SLC39A3: variants seen among roughly 807,000 people sequenced by gnomAD.
SLC39A3 encodes the protein solute carrier family 39 member 3, also known as zinc transporter ZIP3.
A neutral mutation model predicts 5.1 loss-of-function variants in SLC39A3; 3 were observed. The observed-to-expected ratio is 0.59, with a 90% CI of 0.27 to 1.54. SLC39A3 has a LOEUF of 1.54. SLC39A3 is among the 40% of genes most tolerant of loss of function. The probability of loss-of-function intolerance (pLI) is 0.12; values close to 1 mark genes in which losing one functional copy is unlikely to be tolerated. For synonymous variants in SLC39A3, 250 were observed against 218.8 expected (o/e 1.14, Z -1.26); for missense variants, 412 against 436.4 (o/e 0.94, Z 0.50).
At position 2,737,189 on chromosome 19, in the gene SLC39A3, G is replaced by A. The variant is rs371495611; in HGVS notation, c.69C>T (p.Ser23=). The change falls in exon 2 of 3, where the codon TCC becomes TCT. Residue 23 remains serine, a synonymous_variant. Transcript: ENST00000269740. ...VGVFFFMLLG[S]LLPVKIIETD... is the part of the protein sequence containing the mutation. ...TCTCGATGATCTTCACGGGGAGCAGGGAGCCGAGCAGCATGAAGAAGAACA... is the reference window on the plus strand; with the variant it reads ...TCTCGATGATCTTCACGGGGAGCAGAGAGCCGAGCAGCATGAAGAAGAACA... 5.6e-6 allele frequency: 9 copies of A among 1,614,014 alleles called. No homozygotes were observed. The highest frequency in any genetic ancestry group is 6.8e-6 in the Non-Finnish European group (8 of 1,180,040).
In SLC39A3 at chr19:2,737,199, A is replaced by G. The variant is rs758118599; in HGVS notation, c.59T>C (p.Leu20Pro). 1.9e-6 allele frequency: 3 copies of G among 1,614,188 alleles called. No homozygotes were observed. The highest frequency in any genetic ancestry group is 4.5e-5 in the East Asian group (2 of 44,882). ...LCMVGVFFFM[L>P]LGSLLPVKII... ...CTTCACGGGGAGCAGGGAGCCGAGC[A>G]GCATGAAGAAGAACACGCCCACCAT... The change falls in exon 2 of 3, where the codon CTG becomes CCG. Residue 20 changes from leucine to proline, a missense_variant. Coordinates refer to ENST00000269740, the MANE Select transcript of SLC39A3 (RefSeq NM_144564.5).
At chr19:2,737,422 C>CTTTT in intron 1 of SLC39A3, 43 bp from the exon 2 acceptor site, 4 of 1,066,536 alleles carry the variant, frequency 3.8e-6, no homozygotes, top group Non-Finnish European at 5.1e-6. Context: ...TTTCTTTTTT[C>CTTTT]TTTTTTTTTT....
rs368491645 is a variant in SLC39A3 at position 2,733,967 on chromosome 19, G to A, written c.211-482C>T. On this transcript the variant is annotated intron_variant, in intron 2 of 2. Coordinates refer to ENST00000269740, the MANE Select transcript of SLC39A3 (RefSeq NM_144564.5). This position sits in a 1 kb window ranked among gnomAD's most constrained non-coding sequence, Gnocchi z 6.1. ...AAATAAACACATAAAGAGCTGCACT[G>A]GCCTTGCGTGTTCTGCCGCGGGGCC... Among the ~76,000 whole-genome samples, 643 of 152,314 alleles carry A rather than the reference G, an allele frequency of 4.2e-3. 4 individuals carry two copies. Among genetic ancestry groups the A allele is most frequent in the African/African-American group, 0.014 (600 of 41,562 alleles).
Position 2,737,118 on chromosome 19 carries a change from CAG to C in SLC39A3, c.138_139del (p.Cys47GlnfsTer87). 1.9e-6 allele frequency: 3 copies of C among 1,614,184 alleles called. No homozygotes were observed. Among genetic ancestry groups the C allele is most frequent in the South Asian group, 1.1e-5 (1 of 91,068 alleles). On this transcript the variant is annotated frameshift_variant, in exon 2 of 3. Coordinates refer to ENST00000269740, the MANE Select transcript of SLC39A3 (RefSeq NM_144564.5). LOFTEE classifies it high-confidence loss of function. The stretch of plus-strand genomic sequence containing the variant: ...AAACACCCCTCCTCCAAAGGTGTTG[CAG>C]AGAGAGAGGATCTTTTTCGAGCGAT...
rs759265741 is a variant in SLC39A3, at chr19:2,733,022, G to A, written c.674C>T (p.Pro225Leu). Reference protein sequence around the residue: ...LGISMARSAMPLRDAAKLAVT... With the variant: ...LGISMARSAMLLRDAAKLAVT... ...CGCCAGCTTGGCCGCGTCCCGCAGG[G>A]GCATGGCACTCCGGGCCATGCTGAT... is the stretch of plus-strand genomic sequence containing the variant. The change falls in exon 3 of 3, where the codon CCC becomes CTC. Residue 225 changes from proline to leucine, a missense_variant. By Grantham distance (98) the Pro-to-Leu change is moderately conservative. Coordinates refer to ENST00000269740, the MANE Select transcript of SLC39A3 (RefSeq NM_144564.5). The surrounding 1 kb of genome is among the most constrained non-coding windows in gnomAD (Gnocchi z 6.1). 3 of 1,605,320 alleles carry A rather than the reference G, an allele frequency of 1.9e-6. No individual in the cohort carries two copies. Among genetic ancestry groups the A allele is most frequent in the East Asian group, 4.5e-5 (2 of 44,642 alleles).
At position 2,732,743 on chromosome 19, in the gene SLC39A3, G is replaced by A. The variant is rs9160; in HGVS notation, c.*8C>T. The A allele has an allele frequency of 0.094, 144,234 of 1,537,422 alleles. 8,909 individuals are homozygous for A. The highest frequency in any genetic ancestry group is 0.33 in the East Asian group (14,368 of 43,074). On this transcript the variant is annotated 3_prime_UTR_variant, in exon 3 of 3. Coordinates refer to ENST00000269740, the MANE Select transcript of SLC39A3 (RefSeq NM_144564.5). ...GGGCTCCGGCGGCAGGGACAATGGC[G>A]AGGCCGCTCACCACTTGAGGAAGAC... is the stretch of plus-strand genomic sequence containing the variant.
chr19:2,737,269 G>A lies in SLC39A3; in HGVS notation c.-12C>T, dbSNP rs1471143261. ...AGCAATTTCACCATGGTGGCGGCTT[G>A]GGCTGCTCTGGTCACTGCAGGGCCA... is the stretch of plus-strand genomic sequence containing the variant. On this transcript the variant is annotated 5_prime_UTR_variant, in exon 2 of 3. Transcript: ENST00000269740. 6.2e-7 allele frequency: 1 copy of A among 1,600,566 alleles called. No homozygotes were observed.
chr19:2,736,461 G>C, intron 2 of SLC39A3: 1 of 178,818 alleles, frequency 5.6e-6, no homozygotes, highest in Admixed American at 5.7e-5. Context: ...CCAGCCAACA[G>C]ACACTGACAA....
rs1307844561 is a variant in SLC39A3 at position 2,735,013 on chromosome 19, G to C, written c.211-1528C>G. ...TCGGGAGTAGGGACCTCATCCGCCT[G>C]ACCAGCCCGAGGACAGGAGAACGGC... On this transcript the variant is annotated intron_variant, in intron 2 of 2. Transcript: ENST00000269740. This position sits in a 1 kb window ranked among gnomAD's most constrained non-coding sequence, Gnocchi z 5.7. 3.0e-6 allele frequency: 3 copies of C among 985,312 alleles called. No homozygotes were observed. Among genetic ancestry groups the C allele is most frequent in the Non-Finnish European group, 3.6e-6 (3 of 829,960 alleles). 61.0% of individuals were successfully genotyped at this position (985,312 alleles called of 1,614,324 possible).
In SLC39A3 at chr19:2,732,883, G is replaced by A. The variant is rs1244691954; in HGVS notation, c.813C>T (p.Gly271=). 2 of 1,611,924 alleles carry A rather than the reference G, an allele frequency of 1.2e-6. No individual in the cohort carries two copies. The highest frequency in any genetic ancestry group is 1.7e-6 in the Non-Finnish European group (2 of 1,179,408). ...CCAGGAAGGTGATGAAGAGGAAGGT[G>A]CCGCCCGCCAGGCCCTGCAGCAGCA... is the stretch of plus-strand genomic sequence containing the variant. ...ASVLLQGLAG[G]TFLFITFLEI... Residue 271 remains glycine (G), a synonymous_variant, in exon 3 of 3, where the codon GGC becomes GGT. Transcript: ENST00000269740.
At chr19:2,739,170 C>T (rs1431749672) in intron 1 of SLC39A3, among the ~76,000 whole-genome samples, 4 of 150,950 alleles carry the variant, frequency 2.6e-5, no homozygotes, top group South Asian at 2.1e-4. Flanking sequence ...TAAACCATAT[C>T]CCTGTACCCG....
In SLC39A3 at chr19:2,733,117, C is replaced by A; in HGVS notation, c.579G>T (p.Glu193Asp). The A allele has an allele frequency of 6.2e-7, 1 of 1,610,748 alleles. No homozygotes were observed. The highest frequency in any genetic ancestry group is 1.3e-5 in the African/African-American group (1 of 74,876). ...FEGLALGLQE[E>D]GEKVVSLFVG... ...CGAACAGGCTCACCACTTTCTCCCC[C>A]TCCTCCTGCAGGCCCAGGGCCAGGC... Residue 193 changes from glutamate to aspartate, a missense_variant, in exon 3 of 3, where the codon GAG becomes GAT. By Grantham distance (45) the Glu-to-Asp change is conservative (BLOSUM62 2). Transcript: ENST00000269740. This position sits in a 1 kb window ranked among gnomAD's most constrained non-coding sequence, Gnocchi z 6.1.
rs1476324668 is a variant in SLC39A3 at position 2,735,423 on chromosome 19, C to G, written c.210+1625G>C. The G allele has an allele frequency of 6.2e-6, 1 of 161,026 alleles. No homozygotes were observed. The highest frequency in any genetic ancestry group is 6.5e-5 in the Admixed American group (1 of 15,280). The allele number at this position is 161,026 out of a possible 1,614,324, so 10.0% of individuals were successfully genotyped here. ...CACCCAGGGTCCTCTTCCAAGCTCA[C>G]TGGAGGTCGGAAGAGTCCACCTCCT... On this transcript the variant is annotated intron_variant, in intron 2 of 2. Coordinates refer to ENST00000269740, the MANE Select transcript of SLC39A3 (RefSeq NM_144564.5). This position sits in a 1 kb window ranked among gnomAD's most constrained non-coding sequence, Gnocchi z 5.7.
chr19:2,734,990 G>A lies in SLC39A3; in HGVS notation c.211-1505C>T. 3.0e-6 allele frequency: 3 copies of A among 985,460 alleles called. No homozygotes were observed. Among genetic ancestry groups the A allele is most frequent in the African/African-American group, 1.7e-5 (1 of 57,342 alleles). The allele number at this position is 985,460 out of a possible 1,614,324, so 61.0% of individuals were successfully genotyped here. On this transcript the variant is annotated intron_variant, in intron 2 of 2. Coordinates refer to ENST00000269740, the MANE Select transcript of SLC39A3 (RefSeq NM_144564.5). This position sits in a 1 kb window ranked among gnomAD's most constrained non-coding sequence, Gnocchi z 4.6. ...CTGCAGTGGGTGAGGCTGGGGGCTC[G>A]GGAGTAGGGACCTCATCCGCCTGAC...
chr19:2,735,794 G>T lies in SLC39A3; in HGVS notation c.210+1254C>A. 1 of 980,424 alleles carries T rather than the reference G, an allele frequency of 1.0e-6. No individual in the cohort carries two copies. The highest frequency in any genetic ancestry group is 1.2e-6 in the Non-Finnish European group (1 of 825,418). The allele number at this position is 980,424 out of a possible 1,614,324, so 60.7% of individuals were successfully genotyped here. On this transcript the variant is annotated intron_variant, in intron 2 of 2. Coordinates refer to ENST00000269740, the MANE Select transcript of SLC39A3 (RefSeq NM_144564.5). This position sits in a 1 kb window ranked among gnomAD's most constrained non-coding sequence, Gnocchi z 5.7. ...CATGGGGCGTGCGGAGCAGGGGCTG[G>T]AAGCTCAGGGAGCCACCCTGGAACT... is the stretch of plus-strand genomic sequence containing the variant.
rs562009573 is a variant in SLC39A3 at position 2,734,989 on chromosome 19, C to T, written c.211-1504G>A. ...CCTGCAGTGGGTGAGGCTGGGGGCT[C>T]GGGAGTAGGGACCTCATCCGCCTGA... On this transcript the variant is annotated intron_variant, in intron 2 of 2. Coordinates refer to ENST00000269740, the MANE Select transcript of SLC39A3 (RefSeq NM_144564.5). This position sits in a 1 kb window ranked among gnomAD's most constrained non-coding sequence, Gnocchi z 4.6. 5.1e-6 allele frequency: 5 copies of T among 985,354 alleles called. No individual in the cohort carries two copies. Among genetic ancestry groups the T allele is most frequent in the East Asian group, 1.1e-4 (1 of 8,814 alleles). The allele number at this position is 985,354 out of a possible 1,614,324, so 61.0% of individuals were successfully genotyped here.
rs1274714630 is a variant in SLC39A3 at position 2,733,247 on chromosome 19, G to C, written c.449C>G (p.Pro150Arg). 1.2e-6 allele frequency: 2 copies of C among 1,610,118 alleles called. No homozygotes were observed. The highest frequency in any genetic ancestry group is 1.7e-6 in the Non-Finnish European group (2 of 1,178,272). Residue 150 changes from proline (P) to arginine (R), a missense_variant, in exon 3 of 3, where the codon CCC becomes CGC. Coordinates refer to ENST00000269740, the MANE Select transcript of SLC39A3 (RefSeq NM_144564.5). This position sits in a 1 kb window ranked among gnomAD's most constrained non-coding sequence, Gnocchi z 6.1. ...GARGHALYVE[P>R]HGHGPSLSVQ... ...GCTCAGGCTGGGGCCGTGGCCGTGG[G>C]GCTCCACGTACAGCGCGTGGCCCCG...
Position 2,737,226 on chromosome 19 carries a change from C to A in SLC39A3, c.32G>T (p.Cys11Phe). The A allele has an allele frequency of 6.2e-7, 1 of 1,614,056 alleles. No individual in the cohort carries two copies. The highest frequency in any genetic ancestry group is 8.5e-7 in the Non-Finnish European group (1 of 1,179,994). Residue 11 changes from cysteine to phenylalanine, a missense_variant, in exon 2 of 3, where the codon TGC becomes TTC. Cys to Phe is a radical substitution (Grantham distance 205). Transcript: ENST00000269740. MVKLLVAKIL[C>F]MVGVFFFMLL... ...CATGAAGAAGAACACGCCCACCATG[C>A]ACAGGATTTTGGCCACTAGCAATTT...
intron 1 of SLC39A3, among the ~76,000 whole-genome samples, chr19:2,738,581 T>C (rs1914451007): frequency 6.6e-6 from 1 of 152,078 alleles, no homozygotes. Context: ...GCCTCCTTCT[T>C]CTTTCTTGCT....
Sources: allele counts gnomAD v4.1 joint callset (sites outside exome capture counted in the v4.1 genomes callset), GRCh38; gene constraint gnomAD v4.1.1; non-coding constraint Gnocchi (gnomAD v3.1); transcripts MANE v1.5; gene names NCBI Gene and HGNC (gene_info 2026-07-23, HGNC 2026-07-21).